TTC28: variants seen among roughly 807,000 people sequenced by gnomAD.
The protein encoded by TTC28 is tetratricopeptide repeat domain 28.
Under a neutral mutation model 198.0 loss-of-function variants are expected in TTC28, and 61 were observed. The observed-to-expected ratio is 0.31, with a 90% confidence interval of 0.25 to 0.38. The LOEUF is 0.38. Among genes scored for constraint, TTC28 ranks in the 10% least tolerant of loss-of-function variants. The pLI is 1.00. For missense variants in TTC28, 2,678 were observed against 3,164.0 expected (o/e 0.85, Z 3.69); for synonymous variants, 1,171 against 1,297.8 (o/e 0.90, Z 2.10).
At position 27,983,316 on chromosome 22, in the gene TTC28, G is replaced by A. The variant is rs1245670708; in HGVS notation, c.6351C>T (p.Ser2117=). The change falls in exon 23 of 23, where the codon AGC becomes AGT. Residue 2117 remains serine, a synonymous_variant. Coordinates refer to ENST00000397906, the MANE Select transcript of TTC28 (RefSeq NM_001145418.2). ...CCACCTTTTGGAAGGGTGAGTTGGG[G>A]CTGGGAATCAGAGTCATTTTCACTG... The part of the protein sequence containing the change: ...NSPVKMTLIP[S]PNSPFQKVGK... 1 of 1,552,030 alleles carries A rather than the reference G, an allele frequency of 6.4e-7. No homozygotes were observed. Among genetic ancestry groups the A allele is most frequent in the South Asian group, 1.2e-5 (1 of 84,054 alleles).
chr22:28,123,458 T>C (rs895599326), intron 6 of TTC28, among the ~76,000 whole-genome samples: 2 of 151,988 alleles, frequency 1.3e-5, no homozygotes, highest in African/African-American at 2.4e-5. Flanking sequence ...GGTTTCACCA[T>C]GTTGGCCAGG....
At chr22:28,209,600 C>G (rs1470237795) in intron 5 of TTC28, among the ~76,000 whole-genome samples, 2 of 152,172 alleles carry the variant, frequency 1.3e-5, no homozygotes, top group African/African-American at 4.8e-5. Flanking sequence ...GGGGCGTCTG[C>G]CATTGCTGAG....
intron 2 of TTC28, among the ~76,000 whole-genome samples, chr22:28,335,758 T>C (rs1006467426): frequency 1.3e-5 from 2 of 152,226 alleles, no homozygotes; most frequent in African/African-American, 4.8e-5. Flanking sequence ...TGGGGTTTTC[T>C]AGATATACAA....
At chr22:28,401,352 A>G (rs1350108964) in intron 2 of TTC28, among the ~76,000 whole-genome samples, 1 of 152,108 alleles carries the variant, frequency 6.6e-6, no homozygotes, top group African/African-American at 2.4e-5. Flanking sequence ...ACGGTGGCTC[A>G]TGCCTGTAAT....
chr22:28,072,264 T>C (rs751248995), intron 12 of TTC28, among the ~76,000 whole-genome samples: 1 of 152,210 alleles, frequency 6.6e-6, no homozygotes, highest in Non-Finnish European at 1.5e-5. Flanking sequence ...GTGTGGTTTA[T>C]TCTACCAGCC....
chr22:28,336,803 C>A lies in TTC28; in HGVS notation c.382-30160G>T, dbSNP rs186962295. 2.6e-5 allele frequency among the ~76,000 whole-genome samples: 4 copies of A among 152,154 alleles called. No homozygotes were observed. In the East Asian group the frequency reaches 5.8e-4, roughly 22 times the overall value. Reference sequence around the variant, plus strand: ...TTCAAAAAACCAGCTCCTGGATTCACTGATTTTTTGAGGGGCTTTTTGTGT... The same window carrying A: ...TTCAAAAAACCAGCTCCTGGATTCAATGATTTTTTGAGGGGCTTTTTGTGT... On this transcript the variant is annotated intron_variant, in intron 2 of 22. Coordinates refer to ENST00000397906, the MANE Select transcript of TTC28 (RefSeq NM_001145418.2).
chr22:28,015,705 C>T (rs1296127693), intron 13 of TTC28, among the ~76,000 whole-genome samples: 3 of 151,968 alleles, frequency 2.0e-5, no homozygotes, highest in Non-Finnish European at 4.4e-5. Flanking sequence ...GGATTACAGA[C>T]GTGAGACACC....
chr22:28,021,307 G>C (rs1251504885), intron 13 of TTC28, among the ~76,000 whole-genome samples: 1 of 152,142 alleles, frequency 6.6e-6, no homozygotes, highest in Non-Finnish European at 1.5e-5. Context: ...AACCTCACTG[G>C]CTGGCTGGGG....
chr22:28,520,927 C>T (rs966507030), intron 2 of TTC28, among the ~76,000 whole-genome samples: 10 of 152,086 alleles, frequency 6.6e-5, no homozygotes, highest in Admixed American at 3.9e-4. Flanking sequence ...GTGGCACGTG[C>T]CTGTAGTCCC....
chr22:28,197,720 A>G (rs188734613), intron 5 of TTC28, among the ~76,000 whole-genome samples: 2 of 152,268 alleles, frequency 1.3e-5, no homozygotes, highest in East Asian at 3.9e-4. Flanking sequence ...CAAGAACAGA[A>G]AATTCACTAA....
chr22:28,467,221 G>A (rs1161996378), intron 2 of TTC28, among the ~76,000 whole-genome samples: 1 of 152,176 alleles, frequency 6.6e-6, no homozygotes, highest in Non-Finnish European at 1.5e-5. Flanking sequence ...AGGAATTTGA[G>A]CCCAGCCTGG....
intron 2 of TTC28, among the ~76,000 whole-genome samples, chr22:28,589,667 T>G (rs1192632488): frequency 6.6e-6 from 1 of 152,174 alleles, no homozygotes; most frequent in Non-Finnish European, 1.5e-5. Context: ...CACTCAAGAT[T>G]GTTATATGTA....
At chr22:28,402,092 G>A (rs191365597) in intron 2 of TTC28, among the ~76,000 whole-genome samples, 4 of 152,298 alleles carry the variant, frequency 2.6e-5, no homozygotes, top group Non-Finnish European at 5.9e-5. Context: ...TATCAGTAAA[G>A]GCTGATGCAC....
At chr22:28,327,201 A>G (rs891420214) in intron 2 of TTC28, among the ~76,000 whole-genome samples, 1 of 152,202 alleles carries the variant, frequency 6.6e-6, no homozygotes, top group Non-Finnish European at 1.5e-5. Context: ...ATGAATAGAA[A>G]TATGTGCAGT....
chr22:28,638,151 C>A (rs1252291812), intron 1 of TTC28, among the ~76,000 whole-genome samples: 1 of 152,060 alleles, frequency 6.6e-6, no homozygotes, highest in African/African-American at 2.4e-5. Flanking sequence ...ATCATCCAGA[C>A]AGAAACCAAT....
chr22:28,530,135 C>T (rs1277912402), intron 2 of TTC28, among the ~76,000 whole-genome samples: 1 of 152,076 alleles, frequency 6.6e-6, no homozygotes, highest in Non-Finnish European at 1.5e-5. Context: ...ATGTTCGAAA[C>T]CACTGCAAAG....
intron 5 of TTC28, among the ~76,000 whole-genome samples, chr22:28,258,527 A>T (rs1931109951): frequency 6.6e-6 from 1 of 152,158 alleles, no homozygotes; most frequent in African/African-American, 2.4e-5. Context: ...ATATAGCTGC[A>T]CAAACTCACA....
At chr22:28,293,215 C>T (rs2044820941) in intron 5 of TTC28, among the ~76,000 whole-genome samples, 1 of 152,046 alleles carries the variant, frequency 6.6e-6, no homozygotes, top group Non-Finnish European at 1.5e-5. Flanking sequence ...AAGTATCTAT[C>T]AAGAAACGAA....
At chr22:28,298,608 G>A (rs2044950724) in intron 3 of TTC28, among the ~76,000 whole-genome samples, 1 of 152,026 alleles carries the variant, frequency 6.6e-6, no homozygotes, top group Non-Finnish European at 1.5e-5. Flanking sequence ...ACCATCGTCT[G>A]TGGCTAATTT....
Sources: gnomAD v4.1 joint callset for allele counts (sites outside exome capture counted in the v4.1 genomes callset) on GRCh38, gnomAD v4.1.1 for gene constraint, MANE v1.5 for transcripts, NCBI Gene and HGNC (gene_info 2026-07-23, HGNC 2026-07-21) for gene names.